The following AP1B1 variants were observed in gnomAD, a reference collection of about 807,000 sequenced individuals.
AP1B1 encodes the protein AP-1 complex subunit beta-1.
AP1B1 carries 36 observed loss-of-function variants against 104.3 expected under a neutral mutation model. That is an observed-to-expected ratio of 0.35 (90% confidence interval 0.26 to 0.46). The LOEUF (loss-of-function observed/expected upper bound fraction) is 0.46. Ranked by LOEUF, AP1B1 falls within the 20% of genes least tolerant of loss-of-function variation. The pLI is 1.00. For missense variants in AP1B1, 901 were observed against 1,247.9 expected, an observed-to-expected ratio of 0.72 and a Z score of 4.19; for synonymous variants, 504 against 517.5, an observed-to-expected ratio of 0.97 and a Z score of 0.35.
intron 9 of AP1B1, among the ~76,000 whole-genome samples, chr22:29,350,817 TGAC>T (rs1430299494): frequency 6.6e-6 from 1 of 152,200 alleles, no homozygotes; most frequent in African/African-American, 2.4e-5. Context: ...AGCTGAATGA[TGAC>T]AATATTTGCC....
At chr22:29,369,325 G>A (rs1329409371) in intron 1 of AP1B1, among the ~76,000 whole-genome samples, 1 of 152,014 alleles carries the variant, frequency 6.6e-6, no homozygotes, top group Non-Finnish European at 1.5e-5. Context: ...CATAGATTTT[G>A]TTTCAGTAAT....
chr22:29,344,687 G>A (rs1230561498), intron 11 of AP1B1, among the ~76,000 whole-genome samples: 1 of 151,824 alleles, frequency 6.6e-6, no homozygotes, highest in Non-Finnish European at 1.5e-5. Flanking sequence ...ATCACACCTG[G>A]CTAATTTTTG....
Position 29,328,942 on chromosome 22 carries a change from T to C in AP1B1, c.2776-47A>G. 6.3e-7 allele frequency: 1 copy of C among 1,581,166 alleles called. No individual in the cohort carries two copies. Among genetic ancestry groups the C allele is most frequent in the Non-Finnish European group, 8.6e-7 (1 of 1,166,792 alleles). On this transcript the variant is annotated intron_variant, in intron 22 of 22. Coordinates refer to ENST00000357586, the MANE Select transcript of AP1B1 (RefSeq NM_001127.4). This position sits in a 1 kb window ranked among gnomAD's most constrained non-coding sequence, Gnocchi z 4.1. Reference sequence around the variant, plus strand: ...GGGGAAAGAGCGCTCATCCCTGGGGTTCCTCTCAGGAAGGAAAGGGGTGGG... The same window carrying C: ...GGGGAAAGAGCGCTCATCCCTGGGGCTCCTCTCAGGAAGGAAAGGGGTGGG...
chr22:29,336,047 T>A (rs1312321768), intron 16 of AP1B1, among the ~76,000 whole-genome samples: 3 of 152,162 alleles, frequency 2.0e-5, no homozygotes, highest in Non-Finnish European at 4.4e-5. Flanking sequence ...TCACTATGGG[T>A]TCATGGCATC....
intron 16 of AP1B1, 31 bp from the exon 17 acceptor site, chr22:29,334,441 T>C: frequency 1.3e-6 from 2 of 1,575,014 alleles, no homozygotes; most frequent in Non-Finnish European, 1.7e-6. Context: ...AGGGGGCGGG[T>C]AGGTGCCTCT....
chr22:29,373,885 G>C (rs1462391232), intron 1 of AP1B1, among the ~76,000 whole-genome samples: 1 of 148,926 alleles, frequency 6.7e-6, no homozygotes, highest in East Asian at 2.0e-4. Flanking sequence ...CTGGGCGACA[G>C]AGCAAGACTC....
intron 22 of AP1B1, 161 bp from the exon 23 acceptor site, chr22:29,329,056 G>A (rs2061517906): frequency 3.5e-6 from 5 of 1,432,262 alleles, no homozygotes; most frequent in East Asian, 5.1e-5. Context: ...AAGCGGAGGG[G>A]GCGGCTGTCG....
chr22:29,339,719 G>C, intron 15 of AP1B1, 35 bp downstream of exon 15: 1 of 1,607,762 alleles, frequency 6.2e-7, no homozygotes, highest in Non-Finnish European at 8.5e-7. Context: ...GAGGAGCAAG[G>C]ACGAAGGCTT....
chr22:29,344,379 C>CGCTCAACACACTCAG (rs1261163177), intron 11 of AP1B1, among the ~76,000 whole-genome samples: 2 of 152,118 alleles, frequency 1.3e-5, no homozygotes, highest in Non-Finnish European at 2.9e-5. Flanking sequence ...CCTCTCAACA[C>CGCTCAACACACTCAG]GCTCAACACA....
In AP1B1 at chr22:29,359,804, C is replaced by T; in HGVS notation, c.279+20G>A. ...GCCTTAAGCACCCAATGTCCCCACG[C>T]CCACCAAGCGTCTGCTCACCTTCAC... On this transcript the variant is annotated intron_variant, in intron 4 of 22. Coordinates refer to ENST00000357586, the MANE Select transcript of AP1B1 (RefSeq NM_001127.4). The T allele has an allele frequency of 6.2e-7, 1 of 1,607,430 alleles. No individual in the cohort carries two copies. The highest frequency in any genetic ancestry group is 1.1e-5 in the South Asian group (1 of 89,640).
chr22:29,347,346 T>C (rs1453317140), intron 11 of AP1B1, among the ~76,000 whole-genome samples: 1 of 152,178 alleles, frequency 6.6e-6, no homozygotes, highest in Non-Finnish European at 1.5e-5. Flanking sequence ...TCAAGGACAT[T>C]ACACAAAGCA....
chr22:29,385,032 G>C (rs1273034613), intron 1 of AP1B1, among the ~76,000 whole-genome samples: 2 of 152,158 alleles, frequency 1.3e-5, no homozygotes, highest in Admixed American at 6.5e-5. Flanking sequence ...GTAAGGTTGG[G>C]AGAGCAGGAA....
At position 29,379,646 on chromosome 22, in the gene AP1B1, T is replaced by C. The variant is rs2062406000; in HGVS notation, c.-28+8778A>G. Among the ~76,000 whole-genome samples, 3 of 152,046 alleles carry C rather than the reference T, an allele frequency of 2.0e-5. No homozygotes were observed. The South Asian group carries it at 6.3e-4, about 32-fold the overall frequency. ...AAAGGACTGCAGGGGAACGGCAGAG[T>C]GATCATGCCTCCAGAGGAGGAGGGT... On this transcript the variant is annotated intron_variant, in intron 1 of 22. Transcript: ENST00000357586.
intron 1 of AP1B1, among the ~76,000 whole-genome samples, chr22:29,381,297 A>C (rs1288658946): frequency 6.6e-6 from 1 of 152,104 alleles, no homozygotes; most frequent in Non-Finnish European, 1.5e-5. Flanking sequence ...TATTACCTAC[A>C]CACTATAAAA....
At position 29,330,462 on chromosome 22, in the gene AP1B1, G is replaced by A. The variant is rs1045225111; in HGVS notation, c.2682C>T (p.Asp894=). ...TCAGCTTCAGGGACTGGTAGAGCAT[G>A]TCCTGGCCCTCCACGTTCCTCTTGG... ...TVAKRNVEGQ[D]MLYQSLKLTN... Residue 894 remains aspartate (D), a synonymous_variant, in exon 21 of 23, where the codon GAC becomes GAT. Coordinates refer to ENST00000357586, the MANE Select transcript of AP1B1 (RefSeq NM_001127.4). The A allele has an allele frequency of 6.2e-7, 1 of 1,613,908 alleles. No homozygotes were observed. The highest frequency in any genetic ancestry group is 1.3e-5 in the African/African-American group (1 of 75,076).
intron 7 of AP1B1, among the ~76,000 whole-genome samples, chr22:29,352,707 T>C (rs192575710): frequency 1.2e-3 from 178 of 152,236 alleles, no homozygotes; most frequent in African/African-American, 3.8e-3. Flanking sequence ...GGCAGGAGGA[T>C]TGCTTGAGTC....
intron 21 of AP1B1, 35 bp downstream of exon 21, chr22:29,330,343 C>A: frequency 6.2e-7 from 1 of 1,610,750 alleles, no homozygotes; most frequent in Non-Finnish European, 8.5e-7. Flanking sequence ...GAAGGGGAGG[C>A]TCCAAGGCTG....
intron 11 of AP1B1, among the ~76,000 whole-genome samples, chr22:29,343,344 G>T (rs1569155149): frequency 6.6e-6 from 1 of 152,238 alleles, no homozygotes; most frequent in Non-Finnish European, 1.5e-5. Context: ...CGTGCTGACG[G>T]CATCTCTGGC....
At position 29,375,200 on chromosome 22, in the gene AP1B1, A is replaced by T. The variant is rs558242617; in HGVS notation, c.-27-7930T>A. Reference sequence around the variant, plus strand: ...CCCGTCTCTACTAAAAACACAAAAAAATTAGTCGGTGTGGTGGCACACGCC... The same window carrying T: ...CCCGTCTCTACTAAAAACACAAAAATATTAGTCGGTGTGGTGGCACACGCC... On this transcript the variant is annotated intron_variant, in intron 1 of 22. Coordinates refer to ENST00000357586, the MANE Select transcript of AP1B1 (RefSeq NM_001127.4). Among the ~76,000 whole-genome samples the T allele has an allele frequency of 4.9e-5, 6 of 122,548 alleles. No homozygotes were observed. In the East Asian group the frequency reaches 2.2e-3, roughly 45 times the overall value. The allele number at this position is 122,548 out of a possible 152,430, so 80.4% of individuals were successfully genotyped here.
Sources: allele counts gnomAD v4.1 joint callset (sites outside exome capture counted in the v4.1 genomes callset), GRCh38; gene constraint gnomAD v4.1.1; non-coding constraint Gnocchi (gnomAD v3.1); transcripts MANE v1.5; gene names NCBI Gene and HGNC (gene_info 2026-07-23, HGNC 2026-07-21).